PLA2G2C: variants seen among roughly 807,000 people sequenced by gnomAD.
PLA2G2C encodes the protein putative inactive group IIC secretory phospholipase A2.
In PLA2G2C, 15 loss-of-function variants were observed where a neutral mutation model predicts 14.3. The observed-to-expected ratio is 1.05, with a 90% CI of 0.70 to 1.62. PLA2G2C has a LOEUF of 1.62. Among genes scored for constraint, PLA2G2C ranks in the 40% most tolerant of loss-of-function variants. PLA2G2C has a pLI of 0.00. For synonymous variants in PLA2G2C, 79 were observed against 67.7 expected, an observed-to-expected ratio of 1.17 and a Z score of -0.82; for missense variants, 162 against 173.2, an observed-to-expected ratio of 0.94 and a Z score of 0.36.
rs753448951 is a variant in PLA2G2C at position 20,172,803 on chromosome 1, C to T, written c.274G>A (p.Ala92Thr). The change falls in exon 4 of 5, where the codon GCA becomes ACA. Residue 92 changes from alanine to threonine, a missense_variant. By Grantham distance (58) the Ala-to-Thr change is moderately conservative. Coordinates refer to ENST00000679259, the MANE Select transcript of PLA2G2C (RefSeq NM_001367969.2). ...AGAAAAGGCTACTCACAAACCACTGCGCCATTGACGATGTGGAACTGGTAG... is the reference window on the plus strand; with the variant it reads ...AGAAAAGGCTACTCACAAACCACTGTGCCATTGACGATGTGGAACTGGTAG... The part of the protein sequence containing the change: ...NSYQFHIVNG[A>T]VVCGCTLGPG... 8.1e-6 allele frequency: 13 copies of T among 1,613,268 alleles called. No homozygotes were observed. Among genetic ancestry groups the T allele is most frequent in the Middle Eastern group, 1.6e-4 (1 of 6,080 alleles).
intron 1 of PLA2G2C, among the ~76,000 whole-genome samples, chr1:20,177,729 C>T (rs980682335): frequency 1.1e-4 from 17 of 151,308 alleles, no homozygotes; most frequent in African/African-American, 3.9e-4. Flanking sequence ...GTCCATATTT[C>T]CTCTGTTCCC....
At chr1:20,174,610 G>A (rs994967228) in intron 3 of PLA2G2C, among the ~76,000 whole-genome samples, 21 of 152,230 alleles carry the variant, frequency 1.4e-4, no homozygotes, top group African/African-American at 4.8e-4. Flanking sequence ...GCTCTGGGCA[G>A]GACCAACGGC....
intron 4 of PLA2G2C, among the ~76,000 whole-genome samples, chr1:20,171,761 T>C (rs887667135): frequency 7.8e-4 from 112 of 144,124 alleles, no homozygotes; most frequent in Middle Eastern, 3.5e-3. Context: ...ACTTCTTCTT[T>C]TTTTTTTTTT....
At chr1:20,175,760 A>G (rs1265347319) in intron 2 of PLA2G2C, among the ~76,000 whole-genome samples, 1 of 152,176 alleles carries the variant, frequency 6.6e-6, no homozygotes, top group Non-Finnish European at 1.5e-5. Context: ...GATAATAACA[A>G]AATTATGTGT....
In PLA2G2C at chr1:20,171,622, T is replaced by C. The variant is rs1216164225; in HGVS notation, c.283+1172A>G. 2.0e-5 allele frequency among the ~76,000 whole-genome samples: 3 copies of C among 152,090 alleles called. No homozygotes were observed. In the East Asian group the frequency reaches 5.8e-4, roughly 29 times the overall value. On this transcript the variant is annotated intron_variant, in intron 4 of 4. Transcript: ENST00000679259. ...GAGTGGCAGAGAGGTGGTAGTTCCC[T>C]GACCTCAGGAGGAAACAGAGGAACT...
intron 4 of PLA2G2C, among the ~76,000 whole-genome samples, chr1:20,170,966 C>T (rs1179637294): frequency 1.4e-5 from 2 of 141,896 alleles, no homozygotes; most frequent in East Asian, 4.1e-4. Flanking sequence ...TCCACTCTCC[C>T]TCATCTCCTG....
chr1:20,185,642 C>T (rs1045744546), intron 1 of PLA2G2C, among the ~76,000 whole-genome samples: 1 of 152,188 alleles, frequency 6.6e-6, no homozygotes, highest in Admixed American at 6.5e-5. Context: ...GATGGGGGCC[C>T]TGCTCCCCGC....
chr1:20,179,297 C>T (rs56139614), intron 1 of PLA2G2C, among the ~76,000 whole-genome samples: 2,778 of 142,428 alleles, frequency 0.02, 47 homozygotes, highest in Non-Finnish European at 0.028. Context: ...TGTGTGTGCG[C>T]GCGCACGTGC....
At chr1:20,182,231 C>T (rs933323273) in intron 1 of PLA2G2C, among the ~76,000 whole-genome samples, 2 of 152,250 alleles carry the variant, frequency 1.3e-5, no homozygotes, top group Admixed American at 6.5e-5. Flanking sequence ...ACAGACCACA[C>T]ATACGATGGT....
intron 1 of PLA2G2C, among the ~76,000 whole-genome samples, chr1:20,178,531 A>G (rs1403678016): frequency 1.3e-5 from 2 of 152,202 alleles, no homozygotes; most frequent in African/African-American, 2.4e-5. Context: ...GGCCCTGACC[A>G]GGCCTGGTCC....
chr1:20,164,896 C>A (rs747615300), intron 4 of PLA2G2C, among the ~76,000 whole-genome samples: 12 of 152,242 alleles, frequency 7.9e-5, no homozygotes, highest in Non-Finnish European at 1.6e-4. Flanking sequence ...TTGGCCACTG[C>A]CCAAATCTCT....
intron 1 of PLA2G2C, among the ~76,000 whole-genome samples, chr1:20,181,851 A>G (rs2018283591): frequency 6.6e-6 from 1 of 152,194 alleles, no homozygotes; most frequent in Non-Finnish European, 1.5e-5. Flanking sequence ...GTTGCCAAGG[A>G]AAGGTAGCAT....
At chr1:20,179,964 G>A (rs2018255447) in intron 1 of PLA2G2C, among the ~76,000 whole-genome samples, 1 of 148,254 alleles carries the variant, frequency 6.7e-6, no homozygotes, top group African/African-American at 2.5e-5. Flanking sequence ...TCTCCCTCGT[G>A]TGTCAGTTTC....
At chr1:20,181,198 A>G (rs902922196) in intron 1 of PLA2G2C, among the ~76,000 whole-genome samples, 2 of 152,208 alleles carry the variant, frequency 1.3e-5, no homozygotes, top group Admixed American at 1.3e-4. Flanking sequence ...GAAACTAGGC[A>G]TGGAGAGATG....
intron 4 of PLA2G2C, among the ~76,000 whole-genome samples, chr1:20,172,166 C>T (rs1384918550): frequency 6.6e-6 from 1 of 152,156 alleles, no homozygotes; most frequent in East Asian, 1.9e-4. Context: ...AGACTACTGT[C>T]CCGTGCCTCC....
chr1:20,176,315 G>A (rs1030301409), intron 2 of PLA2G2C, among the ~76,000 whole-genome samples: 4 of 152,162 alleles, frequency 2.6e-5, no homozygotes, highest in Admixed American at 6.5e-5. Context: ...GTCACATCTG[G>A]ATGTAGGGAA....
intron 1 of PLA2G2C, among the ~76,000 whole-genome samples, chr1:20,179,308 G>A (rs1000146214): frequency 8.7e-5 from 13 of 149,468 alleles, no homozygotes; most frequent in Non-Finnish European, 1.9e-4. Flanking sequence ...GCGCACGTGC[G>A]TGCTAGCTTG....
intron 3 of PLA2G2C, 57 bp downstream of exon 3, chr1:20,174,950 G>C (rs555594960): frequency 1.3e-6 from 2 of 1,499,916 alleles, no homozygotes; most frequent in East Asian, 2.3e-5. Flanking sequence ...CTCTGGCTTT[G>C]AGCATGAACT....
In PLA2G2C at chr1:20,175,109, C is replaced by G. The variant is rs767296363; in HGVS notation, c.77G>C (p.Arg26Thr). The change falls in exon 3 of 5, where the codon AGG becomes ACG. Residue 26 changes from arginine to threonine, a missense_variant. Transcript: ENST00000679259. ...ACTTCGCCCCGTGATGTGTTTGACC[C>G]TCCTCTGAAACTGCCAGAAACTGCT... ...THSSFWQFQR[R>T]VKHITGRSAF... The G allele has an allele frequency of 1.9e-6, 3 of 1,613,966 alleles. No individual in the cohort carries two copies. The highest frequency in any genetic ancestry group is 2.2e-5 in the South Asian group (2 of 91,084).
Sources: gnomAD v4.1 joint callset for allele counts (sites outside exome capture counted in the v4.1 genomes callset) on GRCh38, gnomAD v4.1.1 for gene constraint, MANE v1.5 for transcripts, NCBI Gene and HGNC (gene_info 2026-07-23, HGNC 2026-07-21) for gene names.